Variants in PLAAT1 observed in about 807,000 individuals in gnomAD.
The protein encoded by PLAAT1 is H-REV107 protein-related protein.
PLAAT1 carries 13 observed loss-of-function variants against 16.4 expected under a neutral mutation model. That is an observed-to-expected ratio of 0.79 (90% CI 0.52 to 1.26). PLAAT1 has a LOEUF of 1.26. Ranked by LOEUF, PLAAT1 falls within the 50% of genes most tolerant of loss-of-function variation. PLAAT1 has a pLI of 0.00. For synonymous variants in PLAAT1, 73 were observed against 78.4 expected (o/e 0.93, Z 0.36); for missense variants, 218 against 207.8 (o/e 1.05, Z -0.30).
intron 1 of PLAAT1, 53 bp from the exon 2 acceptor site, chr3:193,255,598 T>C: frequency 6.5e-7 from 1 of 1,543,054 alleles, no homozygotes; most frequent in Non-Finnish European, 8.8e-7. Flanking sequence ...CTTAAACTGA[T>C]TTTCTTTTGG....
intron 1 of PLAAT1, among the ~76,000 whole-genome samples, chr3:193,254,410 T>A (rs1285700715): frequency 6.6e-6 from 1 of 152,198 alleles, no homozygotes; most frequent in Non-Finnish European, 1.5e-5. Flanking sequence ...AATGAGCATA[T>A]ATATCTGCAT....
rs147755144 is a variant in PLAAT1 at position 193,242,484 on chromosome 3, G to A, written c.-1+951G>A. Among the ~76,000 whole-genome samples the A allele has an allele frequency of 5.0e-3, 755 of 152,174 alleles. 7 individuals carry two copies. Among genetic ancestry groups the A allele is most frequent in the Non-Finnish European group, 4.9e-3 (330 of 68,010 alleles). ...TTGGAAATGGGCATTCTGGGTAGAA[G>A]GTTCAGTATTAACAAAAACAAAACA... On this transcript the variant is annotated intron_variant, in intron 1 of 3. Transcript: ENST00000264735.
At chr3:193,241,171 A>C (rs1177283551), upstream of PLAAT1, 3 of 1,203,416 alleles carry the variant, frequency 2.5e-6, no homozygotes, top group African/African-American at 4.7e-5. Flanking sequence ...AGCGAGGTCT[A>C]GCCGGAGCGA....
At chr3:193,274,904 G>T, downstream of PLAAT1, 1 of 1,281,980 alleles carries the variant, frequency 7.8e-7, no homozygotes, top group Non-Finnish European at 1.1e-6. Flanking sequence ...TTGCTGCAAG[G>T]TTTAATTCAT....
At chr3:193,244,789 C>T (rs1412766297) in intron 1 of PLAAT1, among the ~76,000 whole-genome samples, 1 of 151,998 alleles carries the variant, frequency 6.6e-6, no homozygotes, top group African/African-American at 2.4e-5. Flanking sequence ...TAGCTTAGGT[C>T]TCTCTTCCTG....
downstream of PLAAT1, among the ~76,000 whole-genome samples, chr3:193,272,962 A>G (rs994833780): frequency 6.6e-6 from 1 of 152,116 alleles, no homozygotes; most frequent in African/African-American, 2.4e-5. Flanking sequence ...AGACTATTAA[A>G]CCTTTCTCTG....
chr3:193,278,676 C>T (rs1037939933), downstream of PLAAT1, among the ~76,000 whole-genome samples: 2 of 152,180 alleles, frequency 1.3e-5, no homozygotes, highest in Admixed American at 6.5e-5. Flanking sequence ...AAATGCCTCC[C>T]ATGACAGCCA....
chr3:193,260,420 C>A (rs1217877657), intron 2 of PLAAT1, among the ~76,000 whole-genome samples: 2 of 152,092 alleles, frequency 1.3e-5, no homozygotes, highest in African/African-American at 2.4e-5. Context: ...AAATAGTCTA[C>A]AGAATGGGAG....
At chr3:193,275,188 G>C (rs200436579), downstream of PLAAT1, 1 of 1,614,132 alleles carries the variant, frequency 6.2e-7, no homozygotes, top group East Asian at 2.2e-5. Context: ...TTTATGGGAG[G>C]CCAGGTTGAG....
At chr3:193,276,818 TG>T in intron 2 of PLAAT1, 1 of 1,613,448 alleles carries the variant, frequency 6.2e-7, no homozygotes, top group East Asian at 2.2e-5. Context: ...CACGATGTTA[TG>T]GTTGGGATCA....
downstream of PLAAT1, among the ~76,000 whole-genome samples, chr3:193,280,694 G>A (rs192453404): frequency 2.6e-4 from 40 of 152,144 alleles, no homozygotes; most frequent in African/African-American, 9.4e-4. Flanking sequence ...CTTTAGCAGA[G>A]CACTTTAGAG....
chr3:193,255,243 T>TA (rs1716329836), intron 1 of PLAAT1, among the ~76,000 whole-genome samples: 1 of 152,208 alleles, frequency 6.6e-6, no homozygotes, highest in Non-Finnish European at 1.5e-5. Flanking sequence ...ACAGATATTA[T>TA]ATGTTTACTT....
At chr3:193,251,774 G>A (rs1398528627) in intron 1 of PLAAT1, among the ~76,000 whole-genome samples, 1 of 152,006 alleles carries the variant, frequency 6.6e-6, no homozygotes, top group East Asian at 1.9e-4. Flanking sequence ...TTTCTTCTTT[G>A]TCTAGTGTGT....
chr3:193,277,644 A>G (rs1390704718), exon 3 of PLAAT1: 1 of 152,182 alleles, frequency 6.6e-6, no homozygotes. Flanking sequence ...AGGTGGAGAC[A>G]GTCTTAATCA....
At chr3:193,254,378 TG>T (rs1381244541) in intron 1 of PLAAT1, among the ~76,000 whole-genome samples, 1 of 152,228 alleles carries the variant, frequency 6.6e-6, no homozygotes, top group African/African-American at 2.4e-5. Context: ...TTTCTATTTC[TG>T]GCATGTGGAT....
chr3:193,248,903 T>C (rs926764732), intron 1 of PLAAT1, among the ~76,000 whole-genome samples: 2 of 152,188 alleles, frequency 1.3e-5, no homozygotes, highest in African/African-American at 2.4e-5. Flanking sequence ...AGTGAGTTTT[T>C]ATTTTTATGT....
intron 3 of PLAAT1, among the ~76,000 whole-genome samples, chr3:193,263,440 A>G (rs557316550): frequency 2.0e-5 from 3 of 152,326 alleles, no homozygotes; most frequent in African/African-American, 7.2e-5. Flanking sequence ...ATTTTGAGCT[A>G]TAAGGGACTT....
intron 1 of PLAAT1, among the ~76,000 whole-genome samples, chr3:193,254,737 C>T (rs1209391526): frequency 3.3e-5 from 5 of 151,996 alleles, no homozygotes; most frequent in Non-Finnish European, 7.4e-5. Flanking sequence ...CTTCTGGAAT[C>T]GGTAAGTGAG....
chr3:193,275,442 C>G (rs958142636), downstream of PLAAT1: 3 of 984,102 alleles, frequency 3.0e-6, no homozygotes. Context: ...TCTCCTTTCC[C>G]AAGTTCTGGA....
Sources: allele counts gnomAD v4.1 joint callset (sites outside exome capture counted in the v4.1 genomes callset), GRCh38; gene constraint gnomAD v4.1.1; transcripts MANE v1.5; gene names NCBI Gene and HGNC (gene_info 2026-07-23, HGNC 2026-07-21).